The following RRP1B variants were observed in gnomAD, a reference collection of about 807,000 sequenced individuals.
RRP1B encodes the protein ribosomal RNA processing protein 1 homolog B.
Under a neutral mutation model 80.2 loss-of-function variants are expected in RRP1B, and 56 were observed. That is an observed-to-expected ratio of 0.70 (90% confidence interval 0.56 to 0.87). The LOEUF (loss-of-function observed/expected upper bound fraction) is 0.87. Ranked by LOEUF, RRP1B falls within the 40% of genes least tolerant of loss-of-function variation. RRP1B has a pLI of 0.00. For missense variants in RRP1B, 807 were observed against 939.8 expected, an observed-to-expected ratio of 0.86 and a Z score of 1.85; for synonymous variants, 351 against 357.6, an observed-to-expected ratio of 0.98 and a Z score of 0.21.
intron 3 of RRP1B, among the ~76,000 whole-genome samples, chr21:43,672,608 G>A (rs375947813): frequency 1.3e-5 from 2 of 152,312 alleles, no homozygotes. Flanking sequence ...CAAATTCTGA[G>A]TTACTTTAAC....
At chr21:43,670,621 G>A (rs1052210042) in intron 2 of RRP1B, among the ~76,000 whole-genome samples, 1 of 152,240 alleles carries the variant, frequency 6.6e-6, no homozygotes, top group South Asian at 2.1e-4. Context: ...TGTGGCCCAG[G>A]ATGGCTTTGA....
At chr21:43,664,547 A>C (rs930605923) in intron 1 of RRP1B, among the ~76,000 whole-genome samples, 1 of 152,224 alleles carries the variant, frequency 6.6e-6, no homozygotes, top group African/African-American at 2.4e-5. Context: ...GTTTTCTGAT[A>C]CTGGGCCCCT....
chr21:43,693,533 C>G lies in RRP1B; in HGVS notation c.*150C>G. On this transcript the variant is annotated 3_prime_UTR_variant, in exon 16 of 16. Transcript: ENST00000340648. The surrounding 1 kb of genome is among the most constrained non-coding windows in gnomAD (Gnocchi z 4.1). ...GAGAGTGCCCGCAGGCTGCTGCGTCCTGGCCCCTCTGTAGTGGCTGCGGGC... is the reference window on the plus strand; with the variant it reads ...GAGAGTGCCCGCAGGCTGCTGCGTCGTGGCCCCTCTGTAGTGGCTGCGGGC... 4.3e-6 allele frequency: 3 copies of G among 694,084 alleles called. No individual in the cohort carries two copies. Among genetic ancestry groups the G allele is most frequent in the Non-Finnish European group, 6.7e-6 (3 of 447,094 alleles). The allele number at this position is 694,084 out of a possible 1,614,324, so 43.0% of individuals were successfully genotyped here.
At chr21:43,674,835 G>A in intron 5 of RRP1B, 138 bp downstream of exon 5, 1 of 1,020,358 alleles carries the variant, frequency 9.8e-7, no homozygotes, top group Non-Finnish European at 1.5e-6. Context: ...TCCAGTAGAA[G>A]GCATAAAACA....
intron 13 of RRP1B, among the ~76,000 whole-genome samples, 159 bp from the exon 14 acceptor site, chr21:43,690,129 C>T (rs893273841): frequency 6.6e-6 from 1 of 152,250 alleles, no homozygotes; most frequent in Non-Finnish European, 1.5e-5. Context: ...TGAGCTCTGC[C>T]GAATGGAAGG....
At chr21:43,661,182 A>G (rs1445452203) in intron 1 of RRP1B, among the ~76,000 whole-genome samples, 1 of 152,212 alleles carries the variant, frequency 6.6e-6, no homozygotes, top group African/African-American at 2.4e-5. Context: ...TCTCCCCAAG[A>G]GATTTTGTTT....
At position 43,659,737 on chromosome 21, in the gene RRP1B, G is replaced by T; in HGVS notation, c.73G>T (p.Asp25Tyr). The change falls in exon 1 of 16, where the codon GAC becomes TAC. Residue 25 changes from aspartate to tyrosine, a missense_variant. Asp to Tyr is a radical substitution (Grantham distance 160). Coordinates refer to ENST00000340648, the MANE Select transcript of RRP1B (RefSeq NM_015056.3). The surrounding 1 kb of genome is among the most constrained non-coding windows in gnomAD (Gnocchi z 4.2). ...RLASSEKGIR[D>Y]RAVKKLRQYI... ...GGCGTCCAGCGAGAAGGGCATCCGG[G>T]ACCGAGCGGTGAAGAAGCTGCGCCA... 2 of 1,532,844 alleles carry T rather than the reference G, an allele frequency of 1.3e-6. No homozygotes were observed. Among genetic ancestry groups the T allele is most frequent in the South Asian group, 1.2e-5 (1 of 82,076 alleles). 95.0% of individuals were successfully genotyped at this position (1,532,844 alleles called of 1,614,324 possible).
chr21:43,693,230 G>C lies in RRP1B; in HGVS notation c.2124G>C (p.Thr708=). Residue 708 remains threonine (T), a synonymous_variant, in exon 16 of 16, where the codon ACG becomes ACC. Coordinates refer to ENST00000340648, the MANE Select transcript of RRP1B (RefSeq NM_015056.3). This position sits in a 1 kb window ranked among gnomAD's most constrained non-coding sequence, Gnocchi z 4.1. ...KTDKSILVSP[T]GPSRVAFDPE... is the part of the protein sequence containing the mutation. ...ACAAGAGTATCTTGGTCAGTCCCAC[G>C]GGCCCTTCTCGAGTGGCCTTCGACC... is the stretch of plus-strand genomic sequence containing the variant. The C allele has an allele frequency of 1.2e-6, 2 of 1,614,000 alleles. No individual in the cohort carries two copies. Among genetic ancestry groups the C allele is most frequent in the African/African-American group, 1.3e-5 (1 of 74,988 alleles).
At chr21:43,688,385 C>T (rs1601761314) in intron 13 of RRP1B, 145 bp downstream of exon 13, 3 of 1,007,324 alleles carry the variant, frequency 3.0e-6, no homozygotes, top group East Asian at 2.6e-5. Flanking sequence ...GTGTTCATAA[C>T]AGCCTTCACT....
At position 43,691,631 on chromosome 21, in the gene RRP1B, A is replaced by C; in HGVS notation, c.2083+129A>C. On this transcript the variant is annotated intron_variant, in intron 15 of 15. Coordinates refer to ENST00000340648, the MANE Select transcript of RRP1B (RefSeq NM_015056.3). The surrounding 1 kb of genome is among the most constrained non-coding windows in gnomAD (Gnocchi z 4.2). ...CTAGCTCCTCACTGCCCATTTCTTT[A>C]TTTTTATTTTTTTTTTTTTTTTGAG... 1 of 398,880 alleles carries C rather than the reference A, an allele frequency of 2.5e-6. No individual in the cohort carries two copies. The allele number at this position is 398,880 out of a possible 1,614,324, so 24.7% of individuals were successfully genotyped here.
chr21:43,670,672 A>G (rs2082995978), intron 2 of RRP1B, among the ~76,000 whole-genome samples: 1 of 151,448 alleles, frequency 6.6e-6, no homozygotes, highest in Non-Finnish European at 1.5e-5. Context: ...TTAGGACCTT[A>G]TGAGATTTTT....
At position 43,659,897 on chromosome 21, in the gene RRP1B, C is replaced by G. The variant is rs1489307068; in HGVS notation, c.130+103C>G. On this transcript the variant is annotated intron_variant, in intron 1 of 15. Transcript: ENST00000340648. This position sits in a 1 kb window ranked among gnomAD's most constrained non-coding sequence, Gnocchi z 4.2. ...ACGGAATGCGGCTTCCACGTGTTGT[C>G]GTGACACCCAGCGTGTGCTTCGGTT... is the stretch of plus-strand genomic sequence containing the variant. 8.0e-7 allele frequency: 1 copy of G among 1,248,920 alleles called. No individual in the cohort carries two copies. The highest frequency in any genetic ancestry group is 1.6e-5 in the African/African-American group (1 of 62,904). The allele number at this position is 1,248,920 out of a possible 1,614,324, so 77.4% of individuals were successfully genotyped here. A position where few individuals can be genotyped will look rare whatever the true frequency, so the allele number is the denominator to read the frequency against.
Position 43,687,592 on chromosome 21 carries a change from G to A in RRP1B, c.1218G>A (p.Lys406=), listed in dbSNP as rs370545833. The change falls in exon 13 of 16, where the codon AAG becomes AAA. Residue 406 remains lysine (K), a synonymous_variant. Coordinates refer to ENST00000340648, the MANE Select transcript of RRP1B (RefSeq NM_015056.3). ...LQKRRRKKKK[K]HHLQPENPGP... ...AGAGAAGAAGGAAGAAGAAGAAGAA[G>A]CACCACCTGCAGCCTGAAAATCCAG... 1.9e-5 allele frequency: 29 copies of A among 1,513,096 alleles called. No homozygotes were observed. The highest frequency in any genetic ancestry group is 2.8e-5 in the African/African-American group (2 of 71,662). 93.7% of individuals were successfully genotyped at this position (1,513,096 alleles called of 1,614,324 possible). A position where few individuals can be genotyped will look rare whatever the true frequency, so the allele number is the denominator to read the frequency against.
chr21:43,672,318 C>T lies in RRP1B; in HGVS notation c.224C>T (p.Ala75Val). 1.2e-6 allele frequency: 2 copies of T among 1,614,134 alleles called. No individual in the cohort carries two copies. The highest frequency in any genetic ancestry group is 1.7e-6 in the Non-Finnish European group (2 of 1,180,002). The change falls in exon 3 of 16, where the codon GCC becomes GTC. Residue 75 changes from alanine to valine, a missense_variant. By Grantham distance (64) the Ala-to-Val change is moderately conservative. Transcript: ENST00000340648. Reference protein sequence around the residue: ...QDEPLLQEELANTIAQLVHAV... With the variant: ...QDEPLLQEELVNTIAQLVHAV... Reference sequence around the variant, plus strand: ...ACCCCGCCTCTGCAGGAAGAGCTCGCCAACACCATTGCACAGCTAGTCCAT... The same window carrying T: ...ACCCCGCCTCTGCAGGAAGAGCTCGTCAACACCATTGCACAGCTAGTCCAT...
chr21:43,685,006 C>T (rs900481033), intron 10 of RRP1B, among the ~76,000 whole-genome samples: 1 of 152,084 alleles, frequency 6.6e-6, no homozygotes, highest in African/African-American at 2.4e-5. Context: ...TTTACCTCTC[C>T]CCTCCCTCCC....
chr21:43,677,282 G>C (rs1476657273), intron 8 of RRP1B, among the ~76,000 whole-genome samples: 1 of 152,210 alleles, frequency 6.6e-6, no homozygotes, highest in Non-Finnish European at 1.5e-5. Flanking sequence ...TTACTCGAGG[G>C]ACGTACGCTT....
At chr21:43,662,051 C>T (rs542746864) in intron 1 of RRP1B, among the ~76,000 whole-genome samples, 14 of 152,198 alleles carry the variant, frequency 9.2e-5, no homozygotes, top group Admixed American at 2.6e-4. Flanking sequence ...CCCGAAACAC[C>T]GTAAGCTTCC....
intron 15 of RRP1B, among the ~76,000 whole-genome samples, chr21:43,692,666 TAGAG>T (rs1473732173): frequency 2.4e-4 from 36 of 151,540 alleles, no homozygotes; most frequent in Admixed American, 1.5e-3. Context: ...CTGCAAGTAA[TAGAG>T]AGTATGTGTA....
intron 8 of RRP1B, among the ~76,000 whole-genome samples, chr21:43,682,014 C>T (rs1368274845): frequency 6.6e-6 from 1 of 151,922 alleles, no homozygotes; most frequent in Non-Finnish European, 1.5e-5. Flanking sequence ...TGCCTATAAT[C>T]CTAGTACTTT....
Sources: allele counts gnomAD v4.1 joint callset (sites outside exome capture counted in the v4.1 genomes callset), GRCh38; gene constraint gnomAD v4.1.1; non-coding constraint Gnocchi (gnomAD v3.1); transcripts MANE v1.5; gene names NCBI Gene and HGNC (gene_info 2026-07-23, HGNC 2026-07-21).